Variants in JMJD1C observed in about 807,000 individuals in gnomAD.
JMJD1C encodes jumonji domain-containing protein 1C.
A neutral mutation model predicts 245.3 loss-of-function variants in JMJD1C; 31 were observed. That is an observed-to-expected ratio of 0.13 (90% CI 0.09 to 0.17). The LOEUF is 0.17. Ranked by LOEUF, JMJD1C falls within the 10% of genes least tolerant of loss-of-function variation. The pLI is 1.00. For missense variants in JMJD1C, 2,691 were observed against 3,000.2 expected, an observed-to-expected ratio of 0.90 and a Z score of 2.41; for synonymous variants, 1,057 against 1,017.4, an observed-to-expected ratio of 1.04 and a Z score of -0.74.
At chr10:63,322,212 A>G (rs6479893) in intron 2 of JMJD1C, among the ~76,000 whole-genome samples, 3,273 of 152,264 alleles carry the variant, frequency 0.021, 115 homozygotes, top group African/African-American at 0.073. Context: ...ATCAATTTAC[A>G]TAAAAGAGAA....
chr10:63,416,061 G>GCTCT (rs1949783408), intron 1 of JMJD1C, among the ~76,000 whole-genome samples: 1 of 152,124 alleles, frequency 6.6e-6, no homozygotes, highest in Admixed American at 6.5e-5. Flanking sequence ...CCTGCCCTTA[G>GCTCT]CGAGAAGTTC....
intron 3 of JMJD1C, among the ~76,000 whole-genome samples, chr10:63,227,507 C>T (rs929173512): frequency 6.6e-6 from 1 of 152,202 alleles, no homozygotes; most frequent in African/African-American, 2.4e-5. Flanking sequence ...CACAAAACTG[C>T]AGCAGTTTCT....
upstream of JMJD1C, among the ~76,000 whole-genome samples, chr10:63,468,350 A>AT (rs1269375012): frequency 2.0e-5 from 3 of 151,962 alleles, no homozygotes; most frequent in Non-Finnish European, 4.4e-5. Context: ...GTCCTTAAAG[A>AT]TTTTTTGTTT....
chr10:63,430,285 A>G (rs747344208), intron 1 of JMJD1C, among the ~76,000 whole-genome samples: 15 of 152,258 alleles, frequency 9.9e-5, no homozygotes, highest in Non-Finnish European at 2.1e-4. Flanking sequence ...TGAGTTGGGC[A>G]ATGGTTTCTT....
intron 2 of JMJD1C, among the ~76,000 whole-genome samples, chr10:63,277,795 T>A (rs1052092996): frequency 7.3e-6 from 1 of 137,116 alleles, no homozygotes; most frequent in East Asian, 2.4e-4. Flanking sequence ...TGGAGTGCAA[T>A]CTTGTGATCT....
intron 2 of JMJD1C, among the ~76,000 whole-genome samples, chr10:63,280,529 G>A (rs540372491): frequency 2.9e-4 from 44 of 151,892 alleles, no homozygotes; most frequent in Non-Finnish European, 5.9e-5. Context: ...CAGCCTGGGC[G>A]ACAAGAGTGA....
At chr10:63,245,478 C>CTTTTTTTTTTTTTTTT (rs71025134) in intron 3 of JMJD1C, among the ~76,000 whole-genome samples, 3 of 90,158 alleles carry the variant, frequency 3.3e-5, no homozygotes, top group Non-Finnish European at 6.2e-5. Flanking sequence ...CAGGGGAACT[C>CTTTTTTTTTTTTTTTT]TTTTTTTTTT....
intron 2 of JMJD1C, among the ~76,000 whole-genome samples, chr10:63,379,091 C>T (rs1163112573): frequency 6.6e-6 from 1 of 151,912 alleles, no homozygotes; most frequent in Admixed American, 6.6e-5. Context: ...ATCAAATAAA[C>T]AGATCTATTA....
chr10:63,222,914 T>G (rs1346403831), intron 3 of JMJD1C: 8 of 1,502,976 alleles, frequency 5.3e-6, no homozygotes, highest in Non-Finnish European at 7.4e-6. Context: ...TGGGCACTGC[T>G]TAAAAGACAG....
intron 2 of JMJD1C, among the ~76,000 whole-genome samples, chr10:63,264,996 C>T (rs1214301968): frequency 1.3e-5 from 2 of 152,016 alleles, no homozygotes; most frequent in African/African-American, 4.8e-5. Context: ...TTTGAGTATA[C>T]TAAGTCCCAA....
chr10:63,291,310 G>GAAAAA (rs59082600), intron 2 of JMJD1C, among the ~76,000 whole-genome samples: 5 of 69,132 alleles, frequency 7.2e-5, no homozygotes, highest in African/African-American at 3.3e-4. Flanking sequence ...GTCTGTCTCA[G>GAAAAA]AAAAAAAAAA....
chr10:63,330,559 T>C (rs1286075912), intron 2 of JMJD1C, among the ~76,000 whole-genome samples: 1 of 151,938 alleles, frequency 6.6e-6, no homozygotes, highest in African/African-American at 2.4e-5. Flanking sequence ...AGTAAGAATA[T>C]ATCTACACTT....
At chr10:63,267,207 A>G (rs891602488) in intron 2 of JMJD1C, among the ~76,000 whole-genome samples, 5 of 152,164 alleles carry the variant, frequency 3.3e-5, no homozygotes, top group African/African-American at 1.2e-4. Context: ...GTTAAAAGAA[A>G]TGTTTCAATA....
In JMJD1C at chr10:63,281,021, G is replaced by A. The variant is rs921337070; in HGVS notation, c.334-16257C>T. On this transcript the variant is annotated intron_variant, in intron 2 of 25. Transcript: ENST00000399262. ...CGCCCAGGATGGAGTGCAGTGGTGC[G>A]ATGGGATTTCACCGTGTTAGCCAGC... Among the ~76,000 whole-genome samples the A allele has an allele frequency of 5.3e-5, 8 of 151,100 alleles. No individual in the cohort carries two copies. In the South Asian group the frequency reaches 1.3e-3, roughly 24 times the overall value.
intron 3 of JMJD1C, among the ~76,000 whole-genome samples, chr10:63,262,950 A>G (rs1854979523): frequency 6.6e-6 from 1 of 152,170 alleles, no homozygotes; most frequent in Non-Finnish European, 1.5e-5. Context: ...ACTTCTCTAA[A>G]CCAAATCCAA....
intron 1 of JMJD1C, among the ~76,000 whole-genome samples, chr10:63,390,955 T>G (rs1298622161): frequency 2.0e-5 from 3 of 152,126 alleles, no homozygotes; most frequent in African/African-American, 7.2e-5. Flanking sequence ...GCCGCCACTC[T>G]CTTCACTCCT....
At chr10:63,465,327 G>A (rs898581622) in intron 1 of JMJD1C, 168 bp downstream of exon 1, 11 of 698,628 alleles carry the variant, frequency 1.6e-5, no homozygotes, top group African/African-American at 5.4e-5. Flanking sequence ...TCGGAGAGAC[G>A]CAGGGACCCA....
intron 2 of JMJD1C, among the ~76,000 whole-genome samples, chr10:63,267,383 G>T (rs7098181): frequency 0.38 from 58,311 of 151,606 alleles, 11,557 homozygotes; most frequent in South Asian, 0.5. Context: ...ACATTTCAAA[G>T]GAACATTATA....
chr10:63,426,117 G>C (rs1224120179), intron 1 of JMJD1C, among the ~76,000 whole-genome samples: 1 of 152,076 alleles, frequency 6.6e-6, no homozygotes, highest in African/African-American at 2.4e-5. Context: ...GCTCACGATT[G>C]TAATTCCAGC....
Sources: gnomAD v4.1 joint callset for allele counts (sites outside exome capture counted in the v4.1 genomes callset) on GRCh38, gnomAD v4.1.1 for gene constraint, MANE v1.5 for transcripts, NCBI Gene and HGNC (gene_info 2026-07-23, HGNC 2026-07-21) for gene names.